The following DYRK1A variants were observed in gnomAD, a reference collection of about 807,000 sequenced individuals.
The protein encoded by DYRK1A is dual specificity tyrosine phosphorylation regulated kinase 1A.
In DYRK1A, 9 loss-of-function variants were observed where a neutral mutation model predicts 79.7. That is an observed-to-expected ratio of 0.11 (90% CI 0.07 to 0.20). The LOEUF (loss-of-function observed/expected upper bound fraction) is 0.20. DYRK1A is among the 10% of genes least tolerant of loss of function. DYRK1A has a pLI of 1.00. For synonymous variants in DYRK1A, 349 were observed against 329.7 expected, an observed-to-expected ratio of 1.06 and a Z score of -0.63; for missense variants, 622 against 956.0, an observed-to-expected ratio of 0.65 and a Z score of 4.61.
chr21:37,472,542 T>A (rs551827982), intron 2 of DYRK1A, 142 bp from the exon 3 acceptor site: 103 of 504,322 alleles, frequency 2.0e-4, no homozygotes, highest in African/African-American at 2.0e-3. Context: ...TTGTGTTGAG[T>A]AACATATACC....
chr21:37,433,910 G>A (rs1283838503), intron 2 of DYRK1A, among the ~76,000 whole-genome samples: 1 of 152,042 alleles, frequency 6.6e-6, no homozygotes, highest in African/African-American at 2.4e-5. Flanking sequence ...TAGGATGGGG[G>A]GGTTAATATT....
At chr21:37,395,745 C>A (rs1047081826) in intron 1 of DYRK1A, among the ~76,000 whole-genome samples, 6 of 152,076 alleles carry the variant, frequency 3.9e-5, no homozygotes, top group African/African-American at 1.2e-4. Flanking sequence ...ATTTTACTTA[C>A]ATTTAATGGA....
chr21:37,474,825 A>G (rs1254060830), intron 3 of DYRK1A, among the ~76,000 whole-genome samples: 1 of 152,192 alleles, frequency 6.6e-6, no homozygotes, highest in Non-Finnish European at 1.5e-5. Flanking sequence ...TCTCTGGGCT[A>G]TTCTAGTTTT....
At chr21:37,370,092 G>T (rs2049400523) in intron 1 of DYRK1A, among the ~76,000 whole-genome samples, 1 of 152,068 alleles carries the variant, frequency 6.6e-6, no homozygotes, top group African/African-American at 2.4e-5. Context: ...AAGATATGGG[G>T]GTGGAGAGGC....
At chr21:37,444,179 A>G (rs957529567) in intron 2 of DYRK1A, among the ~76,000 whole-genome samples, 3 of 152,340 alleles carry the variant, frequency 2.0e-5, no homozygotes, top group South Asian at 4.1e-4. Flanking sequence ...TTTACATGGC[A>G]TATTTCTGCA....
At chr21:37,500,499 T>C (rs1332791962) in intron 9 of DYRK1A, among the ~76,000 whole-genome samples, 1 of 152,188 alleles carries the variant, frequency 6.6e-6, no homozygotes, top group African/African-American at 2.4e-5. Context: ...TTAGGAAATA[T>C]TTTTTCTTGA....
chr21:37,468,155 T>G (rs1390202312), intron 2 of DYRK1A, among the ~76,000 whole-genome samples: 2 of 152,172 alleles, frequency 1.3e-5, no homozygotes, highest in Admixed American at 1.3e-4. Flanking sequence ...TTACCCAGGC[T>G]GGAGCACATA....
intron 1 of DYRK1A, among the ~76,000 whole-genome samples, chr21:37,397,802 A>G (rs1402083121): frequency 6.6e-6 from 1 of 152,120 alleles, no homozygotes; most frequent in East Asian, 1.9e-4. Flanking sequence ...TGTCAGTGGT[A>G]TGGGATCCAG....
At chr21:37,500,063 C>T (rs536280010) in intron 9 of DYRK1A, among the ~76,000 whole-genome samples, 5 of 152,114 alleles carry the variant, frequency 3.3e-5, no homozygotes, top group South Asian at 2.1e-4. Context: ...CAACCCCCTG[C>T]GTATACTGAG....
chr21:37,411,848 A>G (rs556166014), intron 1 of DYRK1A, among the ~76,000 whole-genome samples: 3 of 152,332 alleles, frequency 2.0e-5, no homozygotes, highest in African/African-American at 7.2e-5. Flanking sequence ...TTTCCTGCAC[A>G]TAACTACTAT....
chr21:37,501,106 C>T (rs987730895), intron 9 of DYRK1A, among the ~76,000 whole-genome samples: 1 of 150,732 alleles, frequency 6.6e-6, no homozygotes, highest in African/African-American at 2.4e-5. Flanking sequence ...ATAAATTTCC[C>T]TCCAAGCACT....
At chr21:37,389,901 ATTTAC>A (rs1242585628) in intron 1 of DYRK1A, among the ~76,000 whole-genome samples, 2 of 148,462 alleles carry the variant, frequency 1.3e-5, no homozygotes, top group Admixed American at 6.7e-5. Context: ...CTTCTGTAGT[ATTTAC>A]TTATGTATTT....
At chr21:37,478,042 C>T in intron 3 of DYRK1A, 166 bp from the exon 4 acceptor site, 1 of 856,944 alleles carries the variant, frequency 1.2e-6, no homozygotes, top group South Asian at 1.9e-5. Context: ...TTATTGGAAT[C>T]CACATGAAAG....
intron 1 of DYRK1A, among the ~76,000 whole-genome samples, chr21:37,372,289 C>A (rs1161854948): frequency 1.6e-4 from 16 of 99,498 alleles, no homozygotes; most frequent in African/African-American, 3.9e-4. Flanking sequence ...AAAAACAAAA[C>A]AAAACAAAAA....
chr21:37,478,415 T>G lies in DYRK1A; in HGVS notation c.300+115T>G, dbSNP rs1254681003. The G allele has an allele frequency of 5.2e-6, 4 of 773,748 alleles. No homozygotes were observed. In the Admixed American group the frequency reaches 1.3e-4, roughly 24 times the overall value. The allele number at this position is 773,748 out of a possible 1,614,324, so 47.9% of individuals were successfully genotyped here. ...TTCCTAGTAGTTGTCATATTGATGA[T>G]TATTATGAAGACTAATGATTTAGAA... On this transcript the variant is annotated intron_variant, in intron 4 of 11. Coordinates refer to ENST00000647188, the MANE Select transcript of DYRK1A (RefSeq NM_001347721.2).
At chr21:37,472,524 CAT>C (rs968872527) in intron 2 of DYRK1A, among the ~76,000 whole-genome samples, 158 bp from the exon 3 acceptor site, 10 of 152,146 alleles carry the variant, frequency 6.6e-5, no homozygotes, top group African/African-American at 2.4e-4. Context: ...CCATTAAAAA[CAT>C]AACTGTTGTG....
At chr21:37,398,583 T>C (rs145229140) in intron 1 of DYRK1A, among the ~76,000 whole-genome samples, 2 of 152,334 alleles carry the variant, frequency 1.3e-5, no homozygotes, top group Admixed American at 1.3e-4. Context: ...TATAGATACT[T>C]TTGTTTTTAC....
At chr21:37,481,060 AT>A in intron 5 of DYRK1A, 1 of 422,178 alleles carries the variant, frequency 2.4e-6, no homozygotes, top group Non-Finnish European at 4.2e-6. Flanking sequence ...CATTTTACTA[AT>A]GACTGGTGAA....
intron 2 of DYRK1A, among the ~76,000 whole-genome samples, chr21:37,429,112 T>C (rs555010892): frequency 6.6e-6 from 1 of 152,350 alleles, no homozygotes; most frequent in Non-Finnish European, 1.5e-5. Context: ...TTTTAATTTT[T>C]ATAAACCATC....
Sources: gnomAD v4.1 joint callset for allele counts (sites outside exome capture counted in the v4.1 genomes callset) on GRCh38, gnomAD v4.1.1 for gene constraint, MANE v1.5 for transcripts, NCBI Gene and HGNC (gene_info 2026-07-23, HGNC 2026-07-21) for gene names.